CHRM3: variants seen among roughly 807,000 people sequenced by gnomAD.
CHRM3 encodes muscarinic acetylcholine receptor M3.
In CHRM3, 11 loss-of-function variants were observed where a neutral mutation model predicts 41.8. That is an observed-to-expected ratio of 0.26 (90% CI 0.17 to 0.44). The LOEUF (loss-of-function observed/expected upper bound fraction) is 0.44, where lower values mean the gene tolerates loss of function less well. Ranked by LOEUF, CHRM3 falls within the 20% of genes least tolerant of loss-of-function variation. The pLI is 1.00. For missense variants in CHRM3, 571 were observed against 745.4 expected, an observed-to-expected ratio of 0.77 and a Z score of 2.72; for synonymous variants, 297 against 301.4, an observed-to-expected ratio of 0.99 and a Z score of 0.15.
chr1:239,778,394 T>C (rs1558114382), intron 5 of CHRM3, among the ~76,000 whole-genome samples: 1 of 152,186 alleles, frequency 6.6e-6, no homozygotes, highest in South Asian at 2.1e-4. Flanking sequence ...TTCTGAAATC[T>C]CCAAGTCATC....
chr1:239,673,700 T>C (rs1440861463), intron 4 of CHRM3, among the ~76,000 whole-genome samples: 1 of 152,148 alleles, frequency 6.6e-6, no homozygotes, highest in Admixed American at 6.5e-5. Context: ...AACATATATA[T>C]AGTATCTATT....
chr1:239,900,623 G>C (rs1235301088), intron 6 of CHRM3, among the ~76,000 whole-genome samples: 2 of 152,014 alleles, frequency 1.3e-5, no homozygotes, highest in Non-Finnish European at 2.9e-5. Context: ...GATATGAATA[G>C]ATTGGGGAGC....
At chr1:239,632,201 T>C (rs1308200206) in intron 3 of CHRM3, 23 bp from the exon 4 acceptor site, 1 of 152,186 alleles carries the variant, frequency 6.6e-6, no homozygotes, top group African/African-American at 2.4e-5. Flanking sequence ...CATATTTTTG[T>C]TTGTTTGTTT....
intron 5 of CHRM3, among the ~76,000 whole-genome samples, chr1:239,744,343 G>A (rs1055388017): frequency 6.6e-6 from 1 of 152,072 alleles, no homozygotes; most frequent in Non-Finnish European, 1.5e-5. Context: ...TATTCTAGGG[G>A]AAAAATACAA....
intron 5 of CHRM3, among the ~76,000 whole-genome samples, chr1:239,776,693 A>C (rs926067317): frequency 6.6e-6 from 1 of 152,196 alleles, no homozygotes; most frequent in East Asian, 1.9e-4. Context: ...TCATGCTGCT[A>C]ATAAAGACAT....
At chr1:239,472,098 G>A (rs1666169275) in intron 1 of CHRM3, among the ~76,000 whole-genome samples, 1 of 152,108 alleles carries the variant, frequency 6.6e-6, no homozygotes. Context: ...TTACTTCATA[G>A]GCAGATAGGA....
chr1:239,783,975 C>A (rs1241452918), intron 5 of CHRM3, among the ~76,000 whole-genome samples: 1 of 152,156 alleles, frequency 6.6e-6, no homozygotes, highest in African/African-American at 2.4e-5. Flanking sequence ...GTATTCTGTT[C>A]CTGCATTAAT....
chr1:239,836,703 C>T (rs964228650), intron 6 of CHRM3, among the ~76,000 whole-genome samples: 81 of 152,174 alleles, frequency 5.3e-4, no homozygotes, highest in Middle Eastern at 3.4e-3. Context: ...GGGGGCCTGG[C>T]GTGGTGGCTC....
At chr1:239,618,652 G>C (rs567663834) in intron 3 of CHRM3, among the ~76,000 whole-genome samples, 1 of 151,302 alleles carries the variant, frequency 6.6e-6, no homozygotes, top group East Asian at 2.0e-4. Flanking sequence ...AGACCATCCT[G>C]GCTAACACGG....
At chr1:239,830,656 A>G (rs555528820) in intron 6 of CHRM3, among the ~76,000 whole-genome samples, 11 of 152,190 alleles carry the variant, frequency 7.2e-5, no homozygotes, top group Non-Finnish European at 1.6e-4. Flanking sequence ...GTGAGCCAAT[A>G]TTGTGCCACT....
chr1:239,763,150 A>C (rs1021923502), intron 5 of CHRM3, among the ~76,000 whole-genome samples: 3 of 152,192 alleles, frequency 2.0e-5, no homozygotes, highest in Non-Finnish European at 4.4e-5. Context: ...GTGCATATAC[A>C]GAAAACTGTC....
At chr1:239,893,200 A>C (rs1678691378) in intron 6 of CHRM3, among the ~76,000 whole-genome samples, 1 of 152,200 alleles carries the variant, frequency 6.6e-6, no homozygotes, top group Non-Finnish European at 1.5e-5. Context: ...GTGAGTGTTT[A>C]AAAATATGCA....
chr1:239,461,255 G>A (rs1289581503), intron 1 of CHRM3, among the ~76,000 whole-genome samples: 4 of 152,228 alleles, frequency 2.6e-5, no homozygotes, highest in South Asian at 4.1e-4. Context: ...AATTAAATGC[G>A]CTTTTTCCCC....
intron 6 of CHRM3, among the ~76,000 whole-genome samples, chr1:239,906,559 C>T (rs1292311858): frequency 6.6e-6 from 1 of 151,966 alleles, no homozygotes; most frequent in Non-Finnish European, 1.5e-5. Flanking sequence ...AACTGTGGCA[C>T]CTTAATTGTA....
chr1:239,813,883 C>T, intron 5 of CHRM3, among the ~76,000 whole-genome samples: 1 of 132,390 alleles, frequency 7.6e-6, no homozygotes, highest in African/African-American at 3.2e-5. Flanking sequence ...CGCCACTGCA[C>T]TCCAGCCTGG....
At chr1:239,763,066 C>T (rs556470843) in intron 5 of CHRM3, among the ~76,000 whole-genome samples, 1 of 152,254 alleles carries the variant, frequency 6.6e-6, no homozygotes, top group South Asian at 2.1e-4. Flanking sequence ...TATTAAAATG[C>T]TGCAAATGGA....
chr1:239,857,378 GT>G (rs1255481053), intron 6 of CHRM3, among the ~76,000 whole-genome samples: 1 of 152,100 alleles, frequency 6.6e-6, no homozygotes, highest in African/African-American at 2.4e-5. Context: ...CCTTTCCCAA[GT>G]TAGTTTATTA....
At chr1:239,544,857 T>C (rs1659136577) in intron 2 of CHRM3, among the ~76,000 whole-genome samples, 1 of 152,228 alleles carries the variant, frequency 6.6e-6, no homozygotes, top group South Asian at 2.1e-4. Context: ...GTAGGACACG[T>C]AGAGCACAAC....
intron 5 of CHRM3, among the ~76,000 whole-genome samples, chr1:239,763,228 T>C (rs541722997): frequency 2.0e-5 from 3 of 152,154 alleles, no homozygotes; most frequent in Non-Finnish European, 4.4e-5. Context: ...ACAAAAGCCT[T>C]GGTATTGGGA....
Sources: gnomAD v4.1 joint callset for allele counts (sites outside exome capture counted in the v4.1 genomes callset) on GRCh38, gnomAD v4.1.1 for gene constraint, MANE v1.5 for transcripts, NCBI Gene and HGNC (gene_info 2026-07-23, HGNC 2026-07-21) for gene names.